The following RBFOX1 variants were observed in gnomAD, a reference collection of about 807,000 sequenced individuals.
RBFOX1 encodes the protein RNA binding protein fox-1 homolog 1.
Under a neutral mutation model 57.7 loss-of-function variants are expected in RBFOX1, and 8 were observed. That is an observed-to-expected ratio of 0.14 (90% confidence interval 0.08 to 0.25). RBFOX1 has a LOEUF of 0.25. RBFOX1 is among the 10% of genes least tolerant of loss of function. The probability of loss-of-function intolerance (pLI) is 1.00; values close to 1 mark genes in which losing one functional copy is unlikely to be tolerated. For synonymous variants in RBFOX1, 326 were observed against 222.4 expected (o/e 1.47, Z -4.15); for missense variants, 611 against 548.5 (o/e 1.11, Z -1.14).
At chr16:6,393,288 T>C (rs1238077460) in intron 2 of RBFOX1, among the ~76,000 whole-genome samples, 1 of 152,206 alleles carries the variant, frequency 6.6e-6, no homozygotes, top group African/African-American at 2.4e-5. Context: ...ATCACAACTA[T>C]GAGTATAGGG....
intron 1 of RBFOX1, chr16:5,240,156 C>G: frequency 8.0e-7 from 1 of 1,250,230 alleles, no homozygotes; most frequent in Non-Finnish European, 1.1e-6. Flanking sequence ...GCGGGGGTGC[C>G]GGAGACGCGG....
chr16:7,464,613 A>C (rs2150675020), intron 4 of RBFOX1, among the ~76,000 whole-genome samples: 1 of 151,152 alleles, frequency 6.6e-6, no homozygotes, highest in Non-Finnish European at 1.5e-5. Flanking sequence ...TAAATGAGGC[A>C]ATATCTACAA....
chr16:7,152,688 G>A (rs2076324148), intron 4 of RBFOX1, among the ~76,000 whole-genome samples: 1 of 152,134 alleles, frequency 6.6e-6, no homozygotes, highest in South Asian at 2.1e-4. Flanking sequence ...CTTTGGAAAT[G>A]CAGCATGGGC....
intron 10 of RBFOX1, among the ~76,000 whole-genome samples, chr16:7,613,787 T>C (rs1402606844): frequency 2.0e-5 from 3 of 152,130 alleles, no homozygotes; most frequent in Non-Finnish European, 4.4e-5. Context: ...TACTTTTAGC[T>C]GTACCTCTTT....
chr16:5,947,156 C>T lies in RBFOX1; in HGVS notation c.351+79821C>T, dbSNP rs1307980996. On this transcript the variant is annotated intron_variant, in intron 4 of 19. Transcript: ENST00000641259. The surrounding 1 kb of genome is among the most constrained non-coding windows in gnomAD (Gnocchi z 7.2). ...ATGTGAACTCAGGAGGTTGAGGTTG[C>T]AGCGAGCCGTGATTCTGCCACTGCT... Among the ~76,000 whole-genome samples, 3 of 152,088 alleles carry T rather than the reference C, an allele frequency of 2.0e-5. No homozygotes were observed. Among genetic ancestry groups the T allele is most frequent in the African/African-American group, 7.2e-5 (3 of 41,396 alleles).
Position 6,003,800 on chromosome 16 carries a change from C to T in RBFOX1, c.351+136465C>T, listed in dbSNP as rs1352373607. Among the ~76,000 whole-genome samples the T allele has an allele frequency of 2.0e-5, 3 of 152,298 alleles. No individual in the cohort carries two copies. The East Asian group carries it at 5.8e-4, about 29-fold the overall frequency. On this transcript the variant is annotated intron_variant, in intron 4 of 19. Coordinates refer to the RBFOX1 transcript ENST00000641259. ...ATGCCTCAGGAACCACACAAGTGGT[C>T]AAATGAGTGAGGAGGGTCTGTGCCC... is the stretch of plus-strand genomic sequence containing the variant.
At chr16:6,392,624 A>G (rs1028325521) in intron 2 of RBFOX1, among the ~76,000 whole-genome samples, 1 of 152,180 alleles carries the variant, frequency 6.6e-6, no homozygotes, top group African/African-American at 2.4e-5. Context: ...CACACTGAGG[A>G]ACCTTTTCCT....
At chr16:6,159,340 G>C (rs1430249670) in intron 1 of RBFOX1, among the ~76,000 whole-genome samples, 1 of 152,194 alleles carries the variant, frequency 6.6e-6, no homozygotes, top group African/African-American at 2.4e-5. Flanking sequence ...GCCTCCCAAA[G>C]TGCTGGGATT....
chr16:6,955,765 G>A lies in RBFOX1; in HGVS notation c.-15-96292G>A, dbSNP rs141281603. On this transcript the variant is annotated intron_variant, in intron 3 of 15. Transcript: ENST00000550418. ...GTTCCCCAAGCTGGAGTGCAGTGCCGCTATCTTGGGGCTCACTGCAACCTC... is the reference window on the plus strand; with the variant it reads ...GTTCCCCAAGCTGGAGTGCAGTGCCACTATCTTGGGGCTCACTGCAACCTC... 6.9e-3 allele frequency among the ~76,000 whole-genome samples: 1,045 copies of A among 151,876 alleles called. 6 individuals are homozygous for A. The highest frequency in any genetic ancestry group is 0.02 in the African/African-American group (822 of 41,312).
intron 2 of RBFOX1, among the ~76,000 whole-genome samples, chr16:6,424,733 A>G (rs1040856195): frequency 6.6e-6 from 1 of 152,162 alleles, no homozygotes; most frequent in African/African-American, 2.4e-5. Flanking sequence ...ATGTTCAACT[A>G]TAGGGATGTG....
intron 3 of RBFOX1, among the ~76,000 whole-genome samples, chr16:5,830,171 C>G (rs558801340): frequency 4.6e-5 from 7 of 152,186 alleles, no homozygotes; most frequent in Admixed American, 1.3e-4. Context: ...TCTGATATTA[C>G]CCAGCTAATC....
intron 1 of RBFOX1, among the ~76,000 whole-genome samples, chr16:6,117,999 C>G (rs1401343069): frequency 6.6e-6 from 1 of 152,130 alleles, no homozygotes; most frequent in Non-Finnish European, 1.5e-5. Context: ...GAAGTAGCAG[C>G]TGTAAATAAT....
intron 4 of RBFOX1, among the ~76,000 whole-genome samples, chr16:7,140,880 G>C (rs943183223): frequency 6.6e-6 from 1 of 152,192 alleles, no homozygotes; most frequent in Non-Finnish European, 1.5e-5. Flanking sequence ...TTTGTGAAAT[G>C]CTTCCATTAG....
intron 1 of RBFOX1, among the ~76,000 whole-genome samples, chr16:6,112,630 G>C (rs2096458665): frequency 6.6e-6 from 1 of 152,174 alleles, no homozygotes; most frequent in Non-Finnish European, 1.5e-5. Context: ...GCCGGAGGTT[G>C]CGGTGAGCTG....
intron 2 of RBFOX1, among the ~76,000 whole-genome samples, chr16:6,383,848 T>A (rs58210231): frequency 0.016 from 2,367 of 152,162 alleles, 66 homozygotes; most frequent in African/African-American, 0.053. Flanking sequence ...AAACCAATTG[T>A]CAAAGTACAA....
intron 3 of RBFOX1, among the ~76,000 whole-genome samples, chr16:6,824,967 TTTTC>T (rs148380278): frequency 1.3e-5 from 2 of 148,514 alleles, no homozygotes; most frequent in African/African-American, 2.5e-5. Flanking sequence ...AGGATTTCTT[TTTTC>T]TTTCTTTCTT....
chr16:7,426,691 AT>A (rs1387912967), intron 4 of RBFOX1, among the ~76,000 whole-genome samples: 1 of 152,130 alleles, frequency 6.6e-6, no homozygotes, highest in Non-Finnish European at 1.5e-5. Flanking sequence ...TGCGTTGCAT[AT>A]TTTATCTGTC....
intron 4 of RBFOX1, among the ~76,000 whole-genome samples, chr16:7,327,667 C>A (rs1490640250): frequency 6.6e-6 from 1 of 152,252 alleles, no homozygotes; most frequent in Non-Finnish European, 1.5e-5. Flanking sequence ...CTACAGTGAG[C>A]TCCTGACCTG....
chr16:6,405,357 T>C (rs570765880), intron 2 of RBFOX1, among the ~76,000 whole-genome samples: 1 of 152,276 alleles, frequency 6.6e-6, no homozygotes, highest in South Asian at 2.1e-4. Flanking sequence ...TCTCAATAGC[T>C]TCATAAAACA....
Sources: gnomAD v4.1 joint callset for allele counts (sites outside exome capture counted in the v4.1 genomes callset) on GRCh38, gnomAD v4.1.1 for gene constraint, Gnocchi (gnomAD v3.1) non-coding constraint, MANE v1.5 for transcripts, NCBI Gene and HGNC (gene_info 2026-07-23, HGNC 2026-07-21) for gene names.